The following BCR variants were observed in gnomAD, a reference collection of about 807,000 sequenced individuals.
The protein encoded by BCR is breakpoint cluster region protein.
A neutral mutation model predicts 138.6 loss-of-function variants in BCR; 58 were observed. The observed-to-expected ratio is 0.42, with a 90% CI of 0.34 to 0.52. BCR has a LOEUF of 0.52. Ranked by LOEUF, BCR falls within the 20% of genes least tolerant of loss-of-function variation. The pLI is 0.06. For synonymous variants in BCR, 786 were observed against 730.1 expected, an observed-to-expected ratio of 1.08 and a Z score of -1.23; for missense variants, 1,599 against 1,727.2, an observed-to-expected ratio of 0.93 and a Z score of 1.32.
intron 2 of BCR, among the ~76,000 whole-genome samples, chr22:23,257,162 C>G (rs1485408922): frequency 6.6e-6 from 1 of 152,182 alleles, no homozygotes. Context: ...TGAGCCATCC[C>G]TGTCTGATGC....
chr22:23,195,484 CAAG>C (rs1396678720), intron 1 of BCR, among the ~76,000 whole-genome samples: 2 of 150,952 alleles, frequency 1.3e-5, no homozygotes, highest in Non-Finnish European at 2.9e-5. Context: ...CCCAGCTACT[CAAG>C]GAGGCTGTGG....
chr22:23,234,264 A>G (rs2072996462), intron 1 of BCR, among the ~76,000 whole-genome samples: 1 of 151,962 alleles, frequency 6.6e-6, no homozygotes, highest in Non-Finnish European at 1.5e-5. Context: ...GACCTCTGTC[A>G]CTCCCAAGTC....
intron 16 of BCR, among the ~76,000 whole-genome samples, chr22:23,303,372 C>A (rs2073923796): frequency 6.6e-6 from 1 of 152,150 alleles, no homozygotes; most frequent in Non-Finnish European, 1.5e-5. Flanking sequence ...GTCATGAAGG[C>A]ACCAAGAATC....
intron 1 of BCR, among the ~76,000 whole-genome samples, chr22:23,234,959 C>T (rs1445544333): frequency 1.4e-5 from 2 of 143,772 alleles, no homozygotes; most frequent in East Asian, 1.9e-4. Context: ...AGTCAGGCTC[C>T]TCCCCCGACT....
chr22:23,213,378 G>A (rs1391911643), intron 1 of BCR, among the ~76,000 whole-genome samples: 2 of 152,192 alleles, frequency 1.3e-5, no homozygotes, highest in Non-Finnish European at 2.9e-5. Flanking sequence ...GGTGTGGAGA[G>A]TCGTTCCCTT....
chr22:23,261,600 T>C, intron 4 of BCR, 60 bp downstream of exon 4: 1 of 1,571,270 alleles, frequency 6.4e-7, no homozygotes. Context: ...CCAGCTAATT[T>C]TTTGCATTTT....
intron 1 of BCR, among the ~76,000 whole-genome samples, chr22:23,236,022 G>A (rs1017620368): frequency 6.6e-6 from 1 of 152,218 alleles, no homozygotes; most frequent in Admixed American, 6.5e-5. Context: ...GCATCTCAGA[G>A]TGCCACCCCC....
chr22:23,298,828 C>T (rs2073874218), intron 16 of BCR, among the ~76,000 whole-genome samples: 1 of 152,192 alleles, frequency 6.6e-6, no homozygotes, highest in African/African-American at 2.4e-5. Flanking sequence ...GAACTCCTGA[C>T]CTCCAGTGGT....
intron 1 of BCR, among the ~76,000 whole-genome samples, chr22:23,235,303 C>G (rs1024566448): frequency 4.2e-5 from 6 of 144,176 alleles, no homozygotes; most frequent in Non-Finnish European, 7.9e-5. Flanking sequence ...TGGTCTCGAA[C>G]TCCTGACCTC....
At chr22:23,242,472 G>A (rs2073104497) in intron 1 of BCR, among the ~76,000 whole-genome samples, 1 of 152,164 alleles carries the variant, frequency 6.6e-6, no homozygotes, top group Non-Finnish European at 1.5e-5. Flanking sequence ...CTCGAAGTCA[G>A]TGTAGCCATC....
chr22:23,226,782 A>AC (rs1205270941), intron 1 of BCR, among the ~76,000 whole-genome samples: 1 of 152,204 alleles, frequency 6.6e-6, no homozygotes, highest in Non-Finnish European at 1.5e-5. Flanking sequence ...GAAAAGTTTG[A>AC]CCCCTGCTTT....
chr22:23,276,014 C>T (rs981151770), intron 8 of BCR, among the ~76,000 whole-genome samples: 7 of 152,108 alleles, frequency 4.6e-5, no homozygotes, highest in Non-Finnish European at 1.5e-5. Context: ...ACACCTAGGC[C>T]CTCGTTCCTG....
chr22:23,284,488 C>G (rs2073687978), intron 9 of BCR, among the ~76,000 whole-genome samples: 1 of 152,136 alleles, frequency 6.6e-6, no homozygotes, highest in African/African-American at 2.4e-5. Context: ...CACTCCCCTC[C>G]TCCCTCCTCC....
chr22:23,190,880 G>C (rs1378567493), intron 1 of BCR, among the ~76,000 whole-genome samples: 1 of 152,112 alleles, frequency 6.6e-6, no homozygotes, highest in Non-Finnish European at 1.5e-5. Flanking sequence ...ACAGGTCATT[G>C]CTAAGGTTCT....
rs1354579919 is a variant in BCR at position 23,268,500 on chromosome 22, T to G, written c.1845T>G (p.Phe615Leu). 1 of 1,613,796 alleles carries G rather than the reference T, an allele frequency of 6.2e-7. No individual in the cohort carries two copies. The highest frequency in any genetic ancestry group is 1.7e-5 in the Admixed American group (1 of 59,978). ...AGTGCTGTCAGGCCAATGCTCAGTTTGCAGAAATCTCCGAGGTAATGCCTT... is the reference window on the plus strand; with the variant it reads ...AGTGCTGTCAGGCCAATGCTCAGTTGGCAGAAATCTCCGAGGTAATGCCTT... The part of the protein sequence containing the change: ...AEKCCQANAQ[F>L]AEISENLRAR... Residue 615 changes from phenylalanine (F) to leucine (L), a missense_variant, in exon 5 of 23, where the codon TTT becomes TTG. Coordinates refer to ENST00000305877, the MANE Select transcript of BCR (RefSeq NM_004327.4).
chr22:23,184,152 G>C lies in BCR; in HGVS notation c.1279+1913G>C, dbSNP rs2072308189. ...CATCCAGGTTGGAATGCAGTAGTAT[G>C]ATCATAGCTCACTGCAACCTCAAAA... On this transcript the variant is annotated intron_variant, in intron 1 of 22. Coordinates refer to ENST00000305877, the MANE Select transcript of BCR (RefSeq NM_004327.4). Among the ~76,000 whole-genome samples, 7 of 152,314 alleles carry C rather than the reference G, an allele frequency of 4.6e-5. No homozygotes were observed. The South Asian group carries it at 1.5e-3, about 32-fold the overall frequency.
Position 23,301,795 on chromosome 22 carries a change from A to G in BCR, c.3012+6640A>G, listed in dbSNP as rs77847905. Reference sequence around the variant, plus strand: ...AGGCATGGCACACAGGAAGCCTTCCATGACTAGGGTGGCACAGCGGGTTCC... The same window carrying G: ...AGGCATGGCACACAGGAAGCCTTCCGTGACTAGGGTGGCACAGCGGGTTCC... On this transcript the variant is annotated intron_variant, in intron 16 of 22. Transcript: ENST00000305877. Among the ~76,000 whole-genome samples, 642 of 152,294 alleles carry G rather than the reference A, an allele frequency of 4.2e-3. 2 individuals carry two copies. The highest frequency in any genetic ancestry group is 0.015 in the African/African-American group (613 of 41,562).
intron 1 of BCR, among the ~76,000 whole-genome samples, chr22:23,193,739 A>G (rs933117835): frequency 1.3e-5 from 2 of 152,162 alleles, no homozygotes; most frequent in African/African-American, 4.8e-5. Context: ...GGCAGATGGT[A>G]CTTTGTGTAG....
intron 1 of BCR, among the ~76,000 whole-genome samples, chr22:23,244,743 C>G (rs1004966948): frequency 1.3e-5 from 2 of 152,216 alleles, no homozygotes; most frequent in Admixed American, 1.3e-4. Context: ...GGAAGTCTTT[C>G]TGAGCCCCAG....
Sources: gnomAD v4.1 joint callset for allele counts (sites outside exome capture counted in the v4.1 genomes callset) on GRCh38, gnomAD v4.1.1 for gene constraint, MANE v1.5 for transcripts, NCBI Gene and HGNC (gene_info 2026-07-23, HGNC 2026-07-21) for gene names.